The following PPP6R2 variants were observed in gnomAD, a reference collection of about 807,000 sequenced individuals.
PPP6R2 encodes the protein serine/threonine-protein phosphatase 6 regulatory subunit 2.
A neutral mutation model predicts 100.2 loss-of-function variants in PPP6R2; 62 were observed. That is an observed-to-expected ratio of 0.62 (90% CI 0.50 to 0.76). The LOEUF is 0.76. Ranked by LOEUF, PPP6R2 falls within the 30% of genes least tolerant of loss-of-function variation. The pLI, the probability that PPP6R2 is intolerant of heterozygous loss-of-function variation, is 0.00. For synonymous variants in PPP6R2, 525 were observed against 514.7 expected (o/e 1.02, Z -0.27); for missense variants, 1,142 against 1,276.3 (o/e 0.89, Z 1.60).
the PPP6R2 span, among the ~76,000 whole-genome samples, chr22:50,336,407 G>A: frequency 1.6e-3 from 245 of 151,742 alleles, 1 homozygote; most frequent in African/African-American, 3.1e-3. Flanking sequence ...ATGGAGTTTC[G>A]CTCTTGTTGC....
chr22:50,338,567 GTGTTTGGTGTGGTGTGTGTT>G (rs2147822706), upstream of PPP6R2, among the ~76,000 whole-genome samples: 1 of 111,602 alleles, frequency 9.0e-6, no homozygotes. Context: ...TGTAGTGTGT[GTGTTTGGTGTGGTGTGTGTT>G]TGTGGTGTGT....
intron 1 of PPP6R2, among the ~76,000 whole-genome samples, chr22:50,347,597 A>C (rs2044087193): frequency 6.7e-6 from 1 of 149,386 alleles, no homozygotes; most frequent in Non-Finnish European, 1.5e-5. Flanking sequence ...CTTGTTACTG[A>C]CTCCTCCCAA....
rs762882021 is a variant in PPP6R2, at chr22:50,440,982, C to G, written c.2535C>G (p.Ala845=). The G allele has an allele frequency of 6.2e-7, 1 of 1,610,364 alleles. No individual in the cohort carries two copies. The highest frequency in any genetic ancestry group is 8.5e-7 in the Non-Finnish European group (1 of 1,178,266). ...TGAGCAGGGGTCCCGGCCGGGAGGC[C>G]CCCCCGCTGCCCACAGTGGCCAGGA... ...DAVSRGPGRE[A]PPLPTVARTE... The change falls in exon 22 of 24, where the codon GCC becomes GCG. Residue 845 remains alanine (A), a synonymous_variant. Coordinates refer to ENST00000612753, the MANE Select transcript of PPP6R2 (RefSeq NM_001242898.2).
At chr22:50,337,665 GGTGTGT>G in the PPP6R2 span, among the ~76,000 whole-genome samples, 1 of 135,000 alleles carries the variant, frequency 7.4e-6, no homozygotes, top group Non-Finnish European at 1.6e-5. Context: ...TGGTGTGTGT[GGTGTGT>G]GTGTGTGTGC....
At chr22:50,372,684 A>T (rs139007703) in intron 2 of PPP6R2, among the ~76,000 whole-genome samples, 2 of 151,594 alleles carry the variant, frequency 1.3e-5, no homozygotes, top group Non-Finnish European at 2.9e-5. Context: ...TCCAAGCCCA[A>T]GTTTAATTCT....
the PPP6R2 span, among the ~76,000 whole-genome samples, chr22:50,334,838 G>A: frequency 6.6e-6 from 1 of 151,918 alleles, no homozygotes; most frequent in Non-Finnish European, 1.5e-5. Flanking sequence ...GTGGTGTCGC[G>A]TGCCTGTAGT....
chr22:50,402,488 A>T (rs890298092), intron 3 of PPP6R2, among the ~76,000 whole-genome samples: 2 of 152,038 alleles, frequency 1.3e-5, no homozygotes, highest in African/African-American at 4.8e-5. Flanking sequence ...ACTGGCCGCC[A>T]AATCAGTGTC....
intron 4 of PPP6R2, among the ~76,000 whole-genome samples, chr22:50,408,981 G>A (rs1211206909): frequency 1.3e-5 from 2 of 152,224 alleles, no homozygotes; most frequent in Admixed American, 6.5e-5. Flanking sequence ...GGGCGTGGTA[G>A]CACATGCCTG....
chr22:50,438,763 G>T lies in PPP6R2; in HGVS notation c.2128+1G>T. 6.3e-7 allele frequency: 1 copy of T among 1,590,960 alleles called. No individual in the cohort carries two copies. Among genetic ancestry groups the T allele is most frequent in the Non-Finnish European group, 8.6e-7 (1 of 1,169,040 alleles). On this transcript the variant is annotated splice_donor_variant, in intron 19 of 23. Transcript: ENST00000612753. LOFTEE classifies it high-confidence loss of function. ...CCCCCTGTGGAGGGTGACTCAGAAG[G>T]TGGTGCTGGGCGCCAGGGGCTGGGA...
Position 50,394,124 on chromosome 22 carries a change from G to T in PPP6R2, c.216G>T (p.Lys72Asn), listed in dbSNP as rs751293740. Residue 72 changes from lysine to asparagine, a missense_variant, in exon 3 of 24, where the codon AAG becomes AAT. Lys to Asn is a moderately conservative substitution (Grantham distance 94). This residue lies in a region of PPP6R2 where 592 missense variants were observed against 758.9 expected (regional missense o/e 0.78). Coordinates refer to ENST00000612753, the MANE Select transcript of PPP6R2 (RefSeq NM_001242898.2). ...TQDPPLDMEEKVRFKYPNTAC... is the reference protein window; with the variant it reads ...TQDPPLDMEENVRFKYPNTAC... ...ATCCGCCCCTGGACATGGAGGAGAA[G>T]GTCCGCTTCAAGTATGTACCAAAGC... The T allele has an allele frequency of 1.9e-6, 3 of 1,613,878 alleles. No homozygotes were observed. The highest frequency in any genetic ancestry group is 3.3e-5 in the Admixed American group (2 of 59,996).
At chr22:50,402,081 C>G (rs2058142416) in intron 3 of PPP6R2, among the ~76,000 whole-genome samples, 3 of 152,224 alleles carry the variant, frequency 2.0e-5, no homozygotes, top group African/African-American at 7.2e-5. Flanking sequence ...TACACTTGCT[C>G]TCCTCCGTGT....
intron 2 of PPP6R2, among the ~76,000 whole-genome samples, chr22:50,383,961 G>A (rs972390037): frequency 2.7e-5 from 4 of 149,936 alleles, no homozygotes; most frequent in South Asian, 2.1e-4. Context: ...GCTTCAACCC[G>A]GGAGATGGTG....
chr22:50,399,292 T>C (rs1429041440), intron 3 of PPP6R2, among the ~76,000 whole-genome samples: 2 of 152,232 alleles, frequency 1.3e-5, no homozygotes, highest in Non-Finnish European at 2.9e-5. Context: ...GTAAATACTT[T>C]AGGCTTTGCA....
intron 6 of PPP6R2, among the ~76,000 whole-genome samples, chr22:50,418,303 A>G (rs1170653307): frequency 6.6e-6 from 1 of 152,204 alleles, no homozygotes; most frequent in Non-Finnish European, 1.5e-5. Context: ...GACGACAGAA[A>G]AGGCAGACAC....
Position 50,351,800 on chromosome 22 carries a change from A to AT in PPP6R2, c.-148+8261dup, listed in dbSNP as rs749633189. 9.4e-4 allele frequency among the ~76,000 whole-genome samples: 136 copies of AT among 145,300 alleles called. 1 individual carries two copies. The highest frequency in any genetic ancestry group is 7.1e-3 in the Middle Eastern group (2 of 282). On this transcript the variant is annotated intron_variant, in intron 1 of 23. Coordinates refer to ENST00000612753, the MANE Select transcript of PPP6R2 (RefSeq NM_001242898.2). ...AGGTAGCCGCCGCCATACCCAGCTAATTTTTTTTTTTGAAACGGAGTCTTG... is the reference window on the plus strand; with the variant it reads ...AGGTAGCCGCCGCCATACCCAGCTAATTTTTTTTTTTTGAAACGGAGTCTTG...
chr22:50,336,841 G>A, the PPP6R2 span, among the ~76,000 whole-genome samples: 1 of 151,484 alleles, frequency 6.6e-6, no homozygotes, highest in Non-Finnish European at 1.5e-5. Flanking sequence ...AGAGTAGCTG[G>A]GACTACAGGC....
chr22:50,393,608 G>A (rs1048861738), intron 2 of PPP6R2: 1 of 960,008 alleles, frequency 1.0e-6, no homozygotes, highest in African/African-American at 1.8e-5. Context: ...TCCTGGAGCT[G>A]GGGGTGCAGC....
chr22:50,374,142 C>G (rs772055389), intron 2 of PPP6R2, among the ~76,000 whole-genome samples: 1 of 152,126 alleles, frequency 6.6e-6, no homozygotes, highest in Non-Finnish European at 1.5e-5. Flanking sequence ...CCTTGGCCTC[C>G]CAAAGTGCCG....
intron 10 of PPP6R2, among the ~76,000 whole-genome samples, chr22:50,426,848 A>C (rs561406042): frequency 2.1e-3 from 318 of 149,498 alleles, no homozygotes; most frequent in African/African-American, 7.5e-3. Context: ...AAAAAAAAAA[A>C]AAACACCGTC....
Sources: allele counts gnomAD v4.1 joint callset (sites outside exome capture counted in the v4.1 genomes callset), GRCh38; gene constraint gnomAD v4.1.1; regional missense constraint gnomAD v4.1.1; transcripts MANE v1.5; gene names NCBI Gene and HGNC (gene_info 2026-07-23, HGNC 2026-07-21).